The following HIVEP1 variants were observed in gnomAD, a reference collection of about 807,000 sequenced individuals.
HIVEP1 encodes HIVEP zinc finger 1, also known as zinc finger protein 40.
HIVEP1 carries 36 observed loss-of-function variants against 180.0 expected under a neutral mutation model. The observed-to-expected ratio is 0.20, with a 90% CI of 0.15 to 0.26. HIVEP1 has a LOEUF of 0.26. Ranked by LOEUF, HIVEP1 falls within the 10% of genes least tolerant of loss-of-function variation. The pLI is 1.00. For missense variants in HIVEP1, 3,143 were observed against 3,268.7 expected, an observed-to-expected ratio of 0.96 and a Z score of 0.94; for synonymous variants, 1,239 against 1,239.0, an observed-to-expected ratio of 1.00 and a Z score of 0.00.
intron 6 of HIVEP1, among the ~76,000 whole-genome samples, chr6:12,133,011 G>T (rs1300667641): frequency 6.6e-6 from 1 of 152,088 alleles, no homozygotes; most frequent in Non-Finnish European, 1.5e-5. Flanking sequence ...TAGCCAGTAG[G>T]ACTCCACTTA....
intron 2 of HIVEP1, among the ~76,000 whole-genome samples, chr6:12,066,558 G>A (rs1455150007): frequency 1.3e-5 from 2 of 152,208 alleles, no homozygotes; most frequent in Non-Finnish European, 2.9e-5. Flanking sequence ...GTCCTTGGAA[G>A]TGTTGGACTT....
intron 3 of HIVEP1, among the ~76,000 whole-genome samples, chr6:12,115,874 G>A (rs551362958): frequency 2.6e-5 from 4 of 151,892 alleles, no homozygotes; most frequent in Non-Finnish European, 5.9e-5. Context: ...GGTGGGGTTG[G>A]TGGGGAGTGA....
At chr6:12,170,847 G>C in the HIVEP1 span, among the ~76,000 whole-genome samples, 6 of 152,158 alleles carry the variant, frequency 3.9e-5, no homozygotes, top group Non-Finnish European at 8.8e-5. Flanking sequence ...AGCAGTCACA[G>C]GACACAAAAG....
At chr6:12,032,680 G>A (rs537466373) in intron 2 of HIVEP1, among the ~76,000 whole-genome samples, 1 of 152,108 alleles carries the variant, frequency 6.6e-6, no homozygotes, top group South Asian at 2.1e-4. Flanking sequence ...GATAAAACTG[G>A]TACTTAGTAG....
chr6:12,168,370 A>G (rs1191973256), downstream of HIVEP1, among the ~76,000 whole-genome samples: 6 of 131,706 alleles, frequency 4.6e-5, no homozygotes, highest in South Asian at 9.2e-4. Context: ...TTATATACAT[A>G]TACATGTATA....
chr6:12,031,250 A>T (rs1768922160), intron 2 of HIVEP1, among the ~76,000 whole-genome samples: 1 of 152,038 alleles, frequency 6.6e-6, no homozygotes. Flanking sequence ...GGACCCTCTT[A>T]TGTCTTCTTT....
chr6:12,031,235 CA>C (rs1310024082), intron 2 of HIVEP1, among the ~76,000 whole-genome samples: 1 of 152,172 alleles, frequency 6.6e-6, no homozygotes, highest in Non-Finnish European at 1.5e-5. Flanking sequence ...CTTTAACTTT[CA>C]GCTGGACCCT....
chr6:12,064,355 T>G (rs1169952844), intron 2 of HIVEP1, among the ~76,000 whole-genome samples: 1 of 152,120 alleles, frequency 6.6e-6, no homozygotes, highest in African/African-American at 2.4e-5. Context: ...GCAAATAACC[T>G]CAGCAGGCTG....
In HIVEP1 at chr6:12,124,763, A is replaced by C. The variant is rs1380939452; in HGVS notation, c.4968A>C (p.Pro1656=). 6.2e-7 allele frequency: 1 copy of C among 1,614,210 alleles called. No individual in the cohort carries two copies. Among genetic ancestry groups the C allele is most frequent in the Admixed American group, 1.7e-5 (1 of 60,018 alleles). The change falls in exon 4 of 9, where the codon CCA becomes CCC. Residue 1656 remains proline (P), a synonymous_variant. Transcript: ENST00000379388. ...GTTTTGCTACACTCACATCCCTGCCACAAATACTAGTGACCCAAGATCTGC... is the reference window on the plus strand; with the variant it reads ...GTTTTGCTACACTCACATCCCTGCCCCAAATACTAGTGACCCAAGATCTGC... ...AYCFATLTSL[P]QILVTQDLPN...
Position 12,125,452 on chromosome 6 carries a change from T to C in HIVEP1, c.5657T>C (p.Leu1886Ser). ...TCAGAAAATACTCATATTTCTCCTT[T>C]GAAATGTACAGACAATAACCAAGAA... is the stretch of plus-strand genomic sequence containing the variant. ...APSENTHISP[L>S]KCTDNNQERK... The change falls in exon 4 of 9, where the codon TTG becomes TCG. Residue 1886 changes from leucine (L) to serine (S), a missense_variant. By Grantham distance (145) the Leu-to-Ser change is moderately radical. Around this residue, in one of 12 missense-constraint regions of HIVEP1, gnomAD observed 1,357 missense variants for 1,260.5 expected, o/e 1.08. Coordinates refer to ENST00000379388, the MANE Select transcript of HIVEP1 (RefSeq NM_002114.4). 4 of 1,614,122 alleles carry C rather than the reference T, an allele frequency of 2.5e-6. No homozygotes were observed. The highest frequency in any genetic ancestry group is 3.4e-6 in the Non-Finnish European group (4 of 1,180,024).
chr6:12,132,369 G>A (rs1168760503), intron 6 of HIVEP1, among the ~76,000 whole-genome samples: 1 of 152,076 alleles, frequency 6.6e-6, no homozygotes, highest in Non-Finnish European at 1.5e-5. Flanking sequence ...ATGTACAAAA[G>A]GATGTTATCA....
At chr6:12,148,324 C>G (rs1759494314) in intron 7 of HIVEP1, among the ~76,000 whole-genome samples, 5 of 152,166 alleles carry the variant, frequency 3.3e-5, no homozygotes, top group Non-Finnish European at 5.9e-5. Context: ...CCTCCCTCAT[C>G]ATAGGGGATA....
chr6:12,124,024 C>G lies in HIVEP1; in HGVS notation c.4229C>G (p.Pro1410Arg), dbSNP rs372404420. The G allele has an allele frequency of 1.5e-4, 236 of 1,614,030 alleles. No homozygotes were observed. Among genetic ancestry groups the G allele is most frequent in the Non-Finnish European group, 2.0e-4 (232 of 1,180,028 alleles). ...ACTGAATTGCAGCCTCCATCTTCAC[C>G]TTCTCGAGTGGGAGTGACTGGGCAT... The part of the protein sequence containing the change: ...PLTELQPPSS[P>R]SRVGVTGHVP... The change falls in exon 4 of 9, where the codon CCT becomes CGT. Residue 1410 changes from proline (P) to arginine (R), a missense_variant. Around this residue, in one of 12 missense-constraint regions of HIVEP1, gnomAD observed 1,357 missense variants for 1,260.5 expected, o/e 1.08. Transcript: ENST00000379388.
At chr6:12,020,320 G>A (rs772408360) in intron 2 of HIVEP1, 9 of 471,082 alleles carry the variant, frequency 1.9e-5, no homozygotes, top group Middle Eastern at 3.2e-4. Context: ...GAGCATGAGA[G>A]CAGCACTTGG....
At chr6:12,048,252 C>T (rs571060229) in intron 2 of HIVEP1, among the ~76,000 whole-genome samples, 4 of 152,348 alleles carry the variant, frequency 2.6e-5, no homozygotes, top group African/African-American at 4.8e-5. Context: ...GGCACTTGTG[C>T]GCCGTCCGCG....
rs774072500 is a variant in HIVEP1, at chr6:12,123,251, G to A, written c.3456G>A (p.Glu1152=). 6 of 1,614,152 alleles carry A rather than the reference G, an allele frequency of 3.7e-6. No individual in the cohort carries two copies. The South Asian group carries it at 4.4e-5, about 12-fold the overall frequency. ...LSRPNSFDKP[E]PFERASPVSF... is the part of the protein sequence containing the mutation. ...GGCCCAACTCATTTGACAAGCCTGA[G>A]CCTTTTGAAAGAGCCTCCCCAGTTT... The change falls in exon 4 of 9, where the codon GAG becomes GAA. Residue 1152 remains glutamate, a synonymous_variant. Coordinates refer to ENST00000379388, the MANE Select transcript of HIVEP1 (RefSeq NM_002114.4).
At chr6:12,209,651 A>C in the HIVEP1 span, among the ~76,000 whole-genome samples, 4 of 152,318 alleles carry the variant, frequency 2.6e-5, no homozygotes, top group East Asian at 1.9e-4. Flanking sequence ...TATTAATAAT[A>C]ATCATCATAA....
chr6:12,144,192 A>G (rs1759226326), intron 7 of HIVEP1, among the ~76,000 whole-genome samples: 1 of 152,202 alleles, frequency 6.6e-6, no homozygotes, highest in Non-Finnish European at 1.5e-5. Flanking sequence ...ATATAGACCA[A>G]TGGAACAGAA....
rs1191242897 is a variant in HIVEP1, at chr6:12,089,197, A to G, written c.54A>G (p.Glu18=). ...TGTTTTTCTTAGACAAAATTGAAGA[A>G]GCACAAAAAGAACTTAATGGGGCAG... ...HPRNLRDKIE[E]AQKELNGAEV... is the part of the protein sequence containing the mutation. The change falls in exon 3 of 9, where the codon GAA becomes GAG. Residue 18 remains glutamate, a synonymous_variant. Coordinates refer to ENST00000379388, the MANE Select transcript of HIVEP1 (RefSeq NM_002114.4). 6.4e-7 allele frequency: 1 copy of G among 1,554,386 alleles called. No individual in the cohort carries two copies. The highest frequency in any genetic ancestry group is 8.8e-7 in the Non-Finnish European group (1 of 1,131,694).
Sources: gnomAD v4.1 joint callset for allele counts (sites outside exome capture counted in the v4.1 genomes callset) on GRCh38, gnomAD v4.1.1 for gene constraint, gnomAD v4.1.1 regional missense constraint, MANE v1.5 for transcripts, NCBI Gene and HGNC (gene_info 2026-07-23, HGNC 2026-07-21) for gene names.